The following ERBB4 variants were observed in gnomAD, a reference collection of about 807,000 sequenced individuals.
ERBB4 encodes receptor tyrosine-protein kinase erbB-4.
Under a neutral mutation model 158.0 loss-of-function variants are expected in ERBB4, and 42 were observed. The observed-to-expected ratio is 0.27, with a 90% CI of 0.21 to 0.34. The LOEUF (loss-of-function observed/expected upper bound fraction) is 0.34, where lower values mean the gene tolerates loss of function less well. Among genes scored for constraint, ERBB4 ranks in the 10% least tolerant of loss-of-function variants. The probability of loss-of-function intolerance (pLI) is 1.00; values close to 1 mark genes in which losing one functional copy is unlikely to be tolerated. For missense variants in ERBB4, 1,333 were observed against 1,624.1 expected (o/e 0.82, Z 3.08); for synonymous variants, 583 against 558.7 (o/e 1.04, Z -0.61).
intron 2 of ERBB4, among the ~76,000 whole-genome samples, chr2:212,051,025 G>A (rs975213973): frequency 3.3e-5 from 5 of 152,044 alleles, no homozygotes; most frequent in East Asian, 1.9e-4. Flanking sequence ...AATAGCAATC[G>A]CCTTCCAGAG....
chr2:212,458,380 G>A (rs1272976136), intron 1 of ERBB4, among the ~76,000 whole-genome samples: 2 of 152,094 alleles, frequency 1.3e-5, no homozygotes, highest in Non-Finnish European at 2.9e-5. Context: ...GTGAGGAAAG[G>A]TGGATTACGG....
rs551310357 is a variant in ERBB4, at chr2:212,042,255, A to C, written c.234+82497T>G. Among the ~76,000 whole-genome samples, 4 of 152,264 alleles carry C rather than the reference A, an allele frequency of 2.6e-5. No homozygotes were observed. In the South Asian group the frequency reaches 8.3e-4, roughly 32 times the overall value. ...AAAGAATTGCAAATCCATGTAACAC[A>C]ATAAGACCTTGCAGGCGCTTTCCTT... On this transcript the variant is annotated intron_variant, in intron 2 of 27. Transcript: ENST00000342788.
At chr2:211,911,242 G>T (rs1366450996) in intron 3 of ERBB4, among the ~76,000 whole-genome samples, 1 of 152,078 alleles carries the variant, frequency 6.6e-6, no homozygotes, top group Non-Finnish European at 1.5e-5. Flanking sequence ...ATGCAAACAT[G>T]GACATCTTCA....
At chr2:211,384,934 C>T (rs1267977447) in intron 27 of ERBB4, among the ~76,000 whole-genome samples, 1 of 151,948 alleles carries the variant, frequency 6.6e-6, no homozygotes, top group Non-Finnish European at 1.5e-5. Context: ...AAGCTTAATT[C>T]CACATCTATG....
Position 212,044,372 on chromosome 2 carries a change from C to A in ERBB4, c.234+80380G>T, listed in dbSNP as rs1379986453. ...GTTTATTTTATTCTATATAAAAAAA[C>A]CAAAATCCTCTTTCAATGCCGATAT... On this transcript the variant is annotated intron_variant, in intron 2 of 27. Coordinates refer to ENST00000342788, the MANE Select transcript of ERBB4 (RefSeq NM_005235.3). Among the ~76,000 whole-genome samples the A allele has an allele frequency of 5.3e-5, 8 of 152,058 alleles. 1 individual carries two copies. The South Asian group carries it at 1.2e-3, about 24-fold the overall frequency.
chr2:211,713,139 T>A (rs2073766881), intron 8 of ERBB4, among the ~76,000 whole-genome samples: 1 of 152,162 alleles, frequency 6.6e-6, no homozygotes, highest in South Asian at 2.1e-4. Flanking sequence ...TTCATGCCCC[T>A]CTGGATCTCT....
At chr2:212,279,164 A>G (rs945068915) in intron 1 of ERBB4, among the ~76,000 whole-genome samples, 6 of 151,618 alleles carry the variant, frequency 4.0e-5, no homozygotes, top group Non-Finnish European at 7.4e-5. Context: ...AGTAGAATTA[A>G]TGAAATTTCT....
At chr2:212,110,796 T>C (rs1321069634) in intron 2 of ERBB4, among the ~76,000 whole-genome samples, 1 of 152,240 alleles carries the variant, frequency 6.6e-6, no homozygotes, top group African/African-American at 2.4e-5. Flanking sequence ...GACACCTAGA[T>C]TATTGCCCCA....
intron 20 of ERBB4, among the ~76,000 whole-genome samples, chr2:211,452,609 T>G (rs2064277377): frequency 6.6e-6 from 1 of 152,224 alleles, no homozygotes; most frequent in Admixed American, 6.5e-5. Context: ...AAAATTAAAA[T>G]AGCTCTGTTA....
intron 4 of ERBB4, among the ~76,000 whole-genome samples, chr2:211,755,744 C>G (rs559913075): frequency 6.6e-5 from 10 of 152,192 alleles, no homozygotes; most frequent in Non-Finnish European, 1.5e-4. Context: ...TTAAGAGTCA[C>G]AAATTCATCT....
At chr2:211,402,802 A>G (rs933814675) in intron 25 of ERBB4, among the ~76,000 whole-genome samples, 1 of 152,052 alleles carries the variant, frequency 6.6e-6, no homozygotes, top group Non-Finnish European at 1.5e-5. Context: ...TTAAACTTTC[A>G]GAGACCACCC....
rs1332503030 is a variant in ERBB4, at chr2:212,399,513, T to C, written c.82+138936A>G. Among the ~76,000 whole-genome samples the C allele has an allele frequency of 3.5e-5, 5 of 142,972 alleles. No homozygotes were observed. In the East Asian group the frequency reaches 1.1e-3, roughly 31 times the overall value. 93.8% of individuals were successfully genotyped at this position (142,972 alleles called of 152,430 possible). ...CAATCTAAGGGCTGCTATTAATAAG[T>C]CATGCCTCCCCTGATATATATTTTA... On this transcript the variant is annotated intron_variant, in intron 1 of 27. Coordinates refer to ENST00000342788, the MANE Select transcript of ERBB4 (RefSeq NM_005235.3).
intron 1 of ERBB4, among the ~76,000 whole-genome samples, chr2:212,293,388 T>C (rs2086279445): frequency 6.6e-6 from 1 of 151,896 alleles, no homozygotes; most frequent in Non-Finnish European, 1.5e-5. Flanking sequence ...TCTCATAATT[T>C]AATATAGCTT....
chr2:211,417,328 A>G (rs999528807), intron 25 of ERBB4, among the ~76,000 whole-genome samples: 15 of 149,196 alleles, frequency 1.0e-4, no homozygotes, highest in African/African-American at 3.7e-4. Context: ...ATAAAAAAAA[A>G]TTAGCTGGGC....
rs569123614 is a variant in ERBB4 at position 212,257,399 on chromosome 2, T to C, written c.83-132496A>G. 2.6e-5 allele frequency among the ~76,000 whole-genome samples: 4 copies of C among 152,282 alleles called. No homozygotes were observed. In the South Asian group the frequency reaches 6.2e-4, roughly 24 times the overall value. On this transcript the variant is annotated intron_variant, in intron 1 of 27. Coordinates refer to ENST00000342788, the MANE Select transcript of ERBB4 (RefSeq NM_005235.3). ...GGCCAAGATCTTTCAACAGTTAAGA[T>C]AATTCTAACAAAGAATCATTAATAA... is the stretch of plus-strand genomic sequence containing the variant.
At chr2:212,386,591 C>G (rs988822983) in intron 1 of ERBB4, among the ~76,000 whole-genome samples, 1 of 149,480 alleles carries the variant, frequency 6.7e-6, no homozygotes, top group East Asian at 2.0e-4. Flanking sequence ...AAAAAAAAAC[C>G]CATTAACTTT....
At chr2:211,985,119 C>T (rs1040073325) in intron 2 of ERBB4, among the ~76,000 whole-genome samples, 1 of 152,144 alleles carries the variant, frequency 6.6e-6, no homozygotes. Context: ...CACTGACAAA[C>T]ATTTCGGTTT....
intron 4 of ERBB4, among the ~76,000 whole-genome samples, chr2:211,785,203 G>A (rs1253799924): frequency 6.6e-6 from 1 of 151,246 alleles, no homozygotes; most frequent in Non-Finnish European, 1.5e-5. Context: ...CTGGGTTCAC[G>A]CCATTCTCCA....
chr2:211,600,060 A>G (rs2068753005), intron 19 of ERBB4, among the ~76,000 whole-genome samples: 1 of 152,208 alleles, frequency 6.6e-6, no homozygotes, highest in Non-Finnish European at 1.5e-5. Flanking sequence ...AGTGCTGTTC[A>G]TTATAAGGGA....
Sources: allele counts gnomAD v4.1 joint callset (sites outside exome capture counted in the v4.1 genomes callset), GRCh38; gene constraint gnomAD v4.1.1; transcripts MANE v1.5; gene names NCBI Gene and HGNC (gene_info 2026-07-23, HGNC 2026-07-21).